Variants in ZNF804A observed in about 807,000 individuals in gnomAD.
ZNF804A encodes zinc finger protein 804A.
In ZNF804A, 2 loss-of-function variants were observed where a neutral mutation model predicts 16.5. That is an observed-to-expected ratio of 0.12 (90% confidence interval 0.05 to 0.38). ZNF804A has a LOEUF of 0.38. Ranked by LOEUF, ZNF804A falls within the 10% of genes least tolerant of loss-of-function variation. The pLI is 0.99. For missense variants in ZNF804A, 1,473 were observed against 1,390.7 expected, an observed-to-expected ratio of 1.06 and a Z score of -0.94; for synonymous variants, 534 against 489.6, an observed-to-expected ratio of 1.09 and a Z score of -1.20.
intron 1 of ZNF804A, among the ~76,000 whole-genome samples, chr2:184,841,409 A>G (rs1695434699): frequency 6.6e-6 from 1 of 152,210 alleles, no homozygotes; most frequent in African/African-American, 2.4e-5. Flanking sequence ...GCTACATCTT[A>G]TAAATATTTT....
Position 184,936,393 on chromosome 2 carries a change from G to C in ZNF804A, c.997G>C (p.Asp333His). Reference protein sequence around the residue: ...DNCQNSVPLADQIPLESVVIN... With the variant: ...DNCQNSVPLAHQIPLESVVIN... ...TTGTCAAAATTCAGTCCCATTAGCAGATCAAATACCACTAGAGAGTGTTGT... is the reference window on the plus strand; with the variant it reads ...TTGTCAAAATTCAGTCCCATTAGCACATCAAATACCACTAGAGAGTGTTGT... Residue 333 changes from aspartate to histidine, a missense_variant, in exon 4 of 4, where the codon GAT (aspartate) becomes CAT (histidine). Coordinates refer to ENST00000302277, the MANE Select transcript of ZNF804A (RefSeq NM_194250.2). The C allele has an allele frequency of 6.2e-7, 1 of 1,613,982 alleles. No individual in the cohort carries two copies. Among genetic ancestry groups the C allele is most frequent in the Non-Finnish European group, 8.5e-7 (1 of 1,179,952 alleles).
At chr2:184,915,382 C>A (rs994222430) in intron 2 of ZNF804A, among the ~76,000 whole-genome samples, 14 of 152,150 alleles carry the variant, frequency 9.2e-5, no homozygotes, top group African/African-American at 2.9e-4. Context: ...TATCTCTTAA[C>A]CATTCTTCAA....
At chr2:184,776,025 A>T (rs544869322) in intron 1 of ZNF804A, among the ~76,000 whole-genome samples, 1 of 151,658 alleles carries the variant, frequency 6.6e-6, no homozygotes, top group Admixed American at 6.6e-5. Flanking sequence ...TTATCTTTCT[A>T]CAAGTATTTA....
chr2:184,910,186 C>A (rs193171258), intron 2 of ZNF804A, among the ~76,000 whole-genome samples: 8 of 152,036 alleles, frequency 5.3e-5, no homozygotes, highest in Admixed American at 3.9e-4. Context: ...TGTGTATGAG[C>A]ACCAAATATC....
intron 1 of ZNF804A, among the ~76,000 whole-genome samples, chr2:184,630,319 G>C (rs1032109357): frequency 6.6e-6 from 1 of 152,100 alleles, no homozygotes; most frequent in African/African-American, 2.4e-5. Flanking sequence ...CCTGTCCAAG[G>C]TCATTAGCTA....
intron 1 of ZNF804A, among the ~76,000 whole-genome samples, chr2:184,739,800 C>T (rs1306126521): frequency 4.6e-5 from 7 of 152,190 alleles, no homozygotes; most frequent in Admixed American, 4.6e-4. Flanking sequence ...CTCTTCAGAT[C>T]TTACATGTTT....
chr2:184,721,737 T>C (rs1009682614), intron 1 of ZNF804A, among the ~76,000 whole-genome samples: 1 of 152,126 alleles, frequency 6.6e-6, no homozygotes, highest in African/African-American at 2.4e-5. Flanking sequence ...ATCTCACTAG[T>C]GTGTATTTAT....
chr2:184,806,654 C>T (rs906340500), intron 1 of ZNF804A, among the ~76,000 whole-genome samples: 1 of 151,714 alleles, frequency 6.6e-6, no homozygotes, highest in Non-Finnish European at 1.5e-5. Flanking sequence ...GAAAGTGTCA[C>T]TATCATTAAG....
intron 1 of ZNF804A, among the ~76,000 whole-genome samples, chr2:184,820,184 C>A (rs1695051827): frequency 6.6e-6 from 1 of 152,012 alleles, no homozygotes; most frequent in Non-Finnish European, 1.5e-5. Context: ...TACTGACAGA[C>A]TAAATCCAGC....
rs192818983 is a variant in ZNF804A at position 184,939,084 on chromosome 2, T to G, written c.*58T>G. ...GAAAACTATTGCTATATGCGTTAAG[T>G]GTTCATCTATGTGGGTACATGGCTA... On this transcript the variant is annotated 3_prime_UTR_variant, in exon 4 of 4. Coordinates refer to ENST00000302277, the MANE Select transcript of ZNF804A (RefSeq NM_194250.2). 149 of 1,564,940 alleles carry G rather than the reference T, an allele frequency of 9.5e-5. No individual in the cohort carries two copies. The East Asian group carries it at 3.0e-3, about 32-fold the overall frequency.
At chr2:184,791,151 T>TG (rs1226757439) in intron 1 of ZNF804A, among the ~76,000 whole-genome samples, 9 of 152,190 alleles carry the variant, frequency 5.9e-5, no homozygotes, top group Non-Finnish European at 1.3e-4. Flanking sequence ...ATCTTTTTAG[T>TG]GGGGAATTTA....
At chr2:184,759,639 C>T (rs1160633512) in intron 1 of ZNF804A, among the ~76,000 whole-genome samples, 1 of 151,922 alleles carries the variant, frequency 6.6e-6, no homozygotes. Context: ...TATTGTCAGG[C>T]CTCTGAGCCC....
intron 2 of ZNF804A, among the ~76,000 whole-genome samples, chr2:184,928,997 T>C (rs1425287375): frequency 6.6e-6 from 1 of 152,200 alleles, no homozygotes; most frequent in Non-Finnish European, 1.5e-5. Context: ...TAAACCCAGG[T>C]ACTGTGAACA....
At chr2:184,926,297 T>C (rs1351163885) in intron 2 of ZNF804A, among the ~76,000 whole-genome samples, 1 of 144,076 alleles carries the variant, frequency 6.9e-6, no homozygotes, top group Admixed American at 7.3e-5. Context: ...TTTTTTTTTT[T>C]CCTTAAGCAC....
At chr2:184,776,164 C>A (rs1017052543) in intron 1 of ZNF804A, among the ~76,000 whole-genome samples, 3 of 151,242 alleles carry the variant, frequency 2.0e-5, no homozygotes, top group African/African-American at 7.3e-5. Flanking sequence ...AAATAAAAAT[C>A]GAGGAAATAT....
intron 2 of ZNF804A, among the ~76,000 whole-genome samples, chr2:184,898,490 A>T (rs543290954): frequency 6.6e-6 from 1 of 152,074 alleles, no homozygotes; most frequent in Non-Finnish European, 1.5e-5. Context: ...GTTCATACCT[A>T]TACTAAGCCT....
At chr2:184,802,143 C>T (rs542769710) in intron 1 of ZNF804A, among the ~76,000 whole-genome samples, 1 of 152,104 alleles carries the variant, frequency 6.6e-6, no homozygotes, top group African/African-American at 2.4e-5. Flanking sequence ...CTTTCAGAAT[C>T]CTGTGATTAA....
rs186333422 is a variant in ZNF804A, at chr2:184,873,923, A to G, written c.255+7411A>G. Reference sequence around the variant, plus strand: ...CAGGAAAATAATCTTGTAAATTTATATATTAACATATTAAAAGAAAACAAA... The same window carrying G: ...CAGGAAAATAATCTTGTAAATTTATGTATTAACATATTAAAAGAAAACAAA... On this transcript the variant is annotated intron_variant, in intron 2 of 3. Transcript: ENST00000302277. 2.6e-5 allele frequency among the ~76,000 whole-genome samples: 4 copies of G among 152,308 alleles called. No individual in the cohort carries two copies. The East Asian group carries it at 7.7e-4, about 29-fold the overall frequency.
chr2:184,726,625 G>A (rs571885336), intron 1 of ZNF804A, among the ~76,000 whole-genome samples: 18 of 151,376 alleles, frequency 1.2e-4, no homozygotes, highest in African/African-American at 4.3e-4. Context: ...GTATATCAGT[G>A]ACAATTAAAA....
Sources: gnomAD v4.1 joint callset for allele counts (sites outside exome capture counted in the v4.1 genomes callset) on GRCh38, gnomAD v4.1.1 for gene constraint, MANE v1.5 for transcripts, NCBI Gene and HGNC (gene_info 2026-07-23, HGNC 2026-07-21) for gene names.